Variants in MTR observed in about 807,000 individuals in gnomAD.
The protein encoded by MTR is 5-methyltetrahydrofolate-homocysteine methyltransferase.
In MTR, 84 loss-of-function variants were observed where a neutral mutation model predicts 154.8. The observed-to-expected ratio is 0.54, with a 90% CI of 0.45 to 0.65. The LOEUF is 0.65. Among genes scored for constraint, MTR ranks in the 30% least tolerant of loss-of-function variants. The probability of loss-of-function intolerance (pLI) is 0.00; values close to 1 mark genes in which losing one functional copy is unlikely to be tolerated. For synonymous variants in MTR, 554 were observed against 553.9 expected, an observed-to-expected ratio of 1.00 and a Z score of 0.00; for missense variants, 1,275 against 1,570.2, an observed-to-expected ratio of 0.81 and a Z score of 3.18.
At chr1:236,874,921 G>A in intron 24 of MTR, 75 bp downstream of exon 24, 2 of 1,526,338 alleles carry the variant, frequency 1.3e-6, no homozygotes, top group Non-Finnish European at 1.8e-6. Context: ...TGGGAAACCT[G>A]TGTTGTTTTG....
At chr1:236,844,134 G>T (rs548678868) in intron 15 of MTR, among the ~76,000 whole-genome samples, 281 of 152,292 alleles carry the variant, frequency 1.8e-3, no homozygotes, top group African/African-American at 6.5e-3. Flanking sequence ...TGTATGGTAG[G>T]AGGGGAGTCA....
At chr1:236,811,353 A>G (rs753537207) in intron 5 of MTR, among the ~76,000 whole-genome samples, 2 of 152,326 alleles carry the variant, frequency 1.3e-5, no homozygotes, top group Middle Eastern at 3.4e-3. Flanking sequence ...AGCATTATAC[A>G]TGTTATAAAC....
rs139019399 is a variant in MTR, at chr1:236,812,793, C to T, written c.558C>T (p.Gly186=). Reference sequence around the variant, plus strand: ...AGCAGGCCAAAGGACTTCTGGATGGCGGGGTTGATATCTTACTCATTGAAA... The same window carrying T: ...AGCAGGCCAAAGGACTTCTGGATGGTGGGGTTGATATCTTACTCATTGAAA... ...YQEQAKGLLD[G]GVDILLIETI... is the part of the protein sequence containing the mutation. The change falls in exon 6 of 33, where the codon GGC becomes GGT. Residue 186 remains glycine, a synonymous_variant. Coordinates refer to ENST00000366577, the MANE Select transcript of MTR (RefSeq NM_000254.3). 1.1e-4 allele frequency: 170 copies of T among 1,613,872 alleles called. No homozygotes were observed. Among genetic ancestry groups the T allele is most frequent in the Non-Finnish European group, 1.4e-4 (162 of 1,179,964 alleles).
At chr1:236,876,071 G>A (rs1293098566) in intron 24 of MTR, among the ~76,000 whole-genome samples, 1 of 152,140 alleles carries the variant, frequency 6.6e-6, no homozygotes, top group Admixed American at 6.6e-5. Context: ...AGGATAATGT[G>A]CTTTACTTAG....
chr1:236,880,620 T>C (rs1279072918), intron 24 of MTR, 135 bp from the exon 25 acceptor site: 14 of 779,842 alleles, frequency 1.8e-5, no homozygotes, highest in Non-Finnish European at 6.8e-6. Flanking sequence ...AAGTTCAGTA[T>C]TTGTAGGTAA....
intron 18 of MTR, among the ~76,000 whole-genome samples, chr1:236,855,538 A>G (rs1664154525): frequency 6.6e-6 from 1 of 152,114 alleles, no homozygotes; most frequent in South Asian, 2.1e-4. Flanking sequence ...AATATTCTTG[A>G]TACTTTCTGG....
chr1:236,813,844 TGTTA>T (rs1331039596), intron 6 of MTR, among the ~76,000 whole-genome samples: 1 of 152,180 alleles, frequency 6.6e-6, no homozygotes, highest in East Asian at 1.9e-4. Context: ...GTTGTGTTAT[TGTTA>T]GTTTGTGTGT....
chr1:236,829,533 A>G (rs1460841228), intron 12 of MTR, among the ~76,000 whole-genome samples: 1 of 152,124 alleles, frequency 6.6e-6, no homozygotes, highest in African/African-American at 2.4e-5. Context: ...CGATGGTCCT[A>G]TCTTTATTGT....
At chr1:236,890,626 G>C (rs552015964) in intron 28 of MTR, among the ~76,000 whole-genome samples, 1 of 152,308 alleles carries the variant, frequency 6.6e-6, no homozygotes, top group South Asian at 2.1e-4. Context: ...ACTCTTCATG[G>C]TACTGTTGAA....
At chr1:236,877,705 A>C (rs1280714777) in intron 24 of MTR, among the ~76,000 whole-genome samples, 1 of 152,168 alleles carries the variant, frequency 6.6e-6, no homozygotes, top group African/African-American at 2.4e-5. Flanking sequence ...ATGAACACTT[A>C]TGCTTATGAA....
intron 9 of MTR, among the ~76,000 whole-genome samples, chr1:236,824,858 A>G (rs923525567): frequency 1.3e-5 from 2 of 152,364 alleles, no homozygotes; most frequent in African/African-American, 4.8e-5. Context: ...CAGATAATAA[A>G]TAAAACAAGA....
chr1:236,810,449 A>G, intron 4 of MTR, 54 bp from the exon 5 acceptor site: 1 of 1,427,198 alleles, frequency 7.0e-7, no homozygotes, highest in Non-Finnish European at 9.9e-7. Context: ...TTCATTCACG[A>G]CAAAAAATGT....
intron 7 of MTR, among the ~76,000 whole-genome samples, 155 bp downstream of exon 7, chr1:236,815,818 G>A (rs148089555): frequency 6.6e-6 from 1 of 151,898 alleles, no homozygotes; most frequent in East Asian, 1.9e-4. Flanking sequence ...ACCACTTCTG[G>A]ACCAATAACA....
chr1:236,850,567 T>G, intron 16 of MTR, 44 bp downstream of exon 16: 48 of 1,527,188 alleles, frequency 3.1e-5, no homozygotes, highest in Non-Finnish European at 4.0e-5. Flanking sequence ...CTCAAATTTG[T>G]CCCATGGGTC....
chr1:236,897,509 C>T (rs1474636759), intron 32 of MTR, 49 bp from the exon 33 acceptor site: 1 of 1,556,158 alleles, frequency 6.4e-7, no homozygotes, highest in Non-Finnish European at 8.9e-7. Flanking sequence ...ACTTCTATTC[C>T]AAAAGTCTTA....
intron 2 of MTR, 25 bp from the exon 3 acceptor site, chr1:236,806,119 T>C (rs768700614): frequency 1.9e-6 from 3 of 1,597,052 alleles, no homozygotes; most frequent in African/African-American, 1.3e-5. Flanking sequence ...AAGCTCATAA[T>C]TGACATTATA....
chr1:236,868,802 A>G (rs571937816), intron 22 of MTR, among the ~76,000 whole-genome samples: 1 of 152,214 alleles, frequency 6.6e-6, no homozygotes, highest in Non-Finnish European at 1.5e-5. Flanking sequence ...CAAACTGTAT[A>G]ATGTTGGAAC....
At chr1:236,885,049 G>T in intron 25 of MTR, 72 bp from the exon 26 acceptor site, 1 of 925,358 alleles carries the variant, frequency 1.1e-6, no homozygotes, top group African/African-American at 1.6e-5. Context: ...TGAAGGAGGT[G>T]TTATCAGCAT....
chr1:236,845,975 C>A (rs566243250), intron 15 of MTR, among the ~76,000 whole-genome samples: 8 of 152,160 alleles, frequency 5.3e-5, no homozygotes, highest in Non-Finnish European at 1.2e-4. Context: ...ACTACTGTTG[C>A]GACTAAGCAA....
Sources: gnomAD v4.1 joint callset for allele counts (sites outside exome capture counted in the v4.1 genomes callset) on GRCh38, gnomAD v4.1.1 for gene constraint, MANE v1.5 for transcripts, NCBI Gene and HGNC (gene_info 2026-07-23, HGNC 2026-07-21) for gene names.